The following LRBA variants were observed in gnomAD, a reference collection of about 807,000 sequenced individuals.
LRBA encodes the protein lipopolysaccharide-responsive and beige-like anchor protein.
In LRBA, 176 loss-of-function variants were observed where a neutral mutation model predicts 330.0. That is an observed-to-expected ratio of 0.53 (90% confidence interval 0.47 to 0.60). The LOEUF is 0.60. LRBA is among the 20% of genes least tolerant of loss of function. LRBA has a pLI of 0.00. For synonymous variants in LRBA, 1,230 were observed against 1,193.0 expected (o/e 1.03, Z -0.64); for missense variants, 3,259 against 3,444.8 (o/e 0.95, Z 1.35).
At chr4:150,670,288 TACCTCC>T (rs1781942424) in intron 37 of LRBA, among the ~76,000 whole-genome samples, 1 of 152,206 alleles carries the variant, frequency 6.6e-6, no homozygotes, top group Non-Finnish European at 1.5e-5. Context: ...AGCTGTCTCT[TACCTCC>T]CATTTATAAA....
intron 42 of LRBA, among the ~76,000 whole-genome samples, chr4:150,485,100 C>T (rs959463333): frequency 6.6e-6 from 1 of 151,860 alleles, no homozygotes; most frequent in Non-Finnish European, 1.5e-5. Flanking sequence ...GTATTTTGTG[C>T]AATTGACTAA....
chr4:150,923,184 C>CAA (rs372277904), intron 4 of LRBA, among the ~76,000 whole-genome samples: 303 of 137,184 alleles, frequency 2.2e-3, no homozygotes, highest in South Asian at 8.7e-3. Context: ...ATCGTAAAGT[C>CAA]AAAAAAAAAA....
intron 40 of LRBA, among the ~76,000 whole-genome samples, chr4:150,511,281 T>C (rs1284853828): frequency 6.6e-6 from 1 of 152,146 alleles, no homozygotes; most frequent in Admixed American, 6.5e-5. Flanking sequence ...AAACAAAAAC[T>C]TAGTTATGCT....
chr4:150,389,722 T>C (rs963345881), intron 47 of LRBA, among the ~76,000 whole-genome samples: 1 of 143,406 alleles, frequency 7.0e-6, no homozygotes, highest in Non-Finnish European at 1.5e-5. Flanking sequence ...CTCCAGAGAC[T>C]AACCATGAAC....
chr4:150,421,119 AATATATATAAAGTATATATAAT>A (rs1340224146), intron 46 of LRBA, among the ~76,000 whole-genome samples: 1 of 39,512 alleles, frequency 2.5e-5, no homozygotes, highest in Non-Finnish European at 5.1e-5. Flanking sequence ...TATACATTAT[AATATATATAAAGTATATATAAT>A]ATACATTATA....
intron 2 of LRBA, among the ~76,000 whole-genome samples, chr4:150,986,387 G>A (rs1469081054): frequency 6.6e-6 from 1 of 152,056 alleles, no homozygotes; most frequent in African/African-American, 2.4e-5. Flanking sequence ...GAGGGATCTG[G>A]GTTGCTTGCT....
At chr4:150,889,260 T>A (rs1729234311) in intron 17 of LRBA, among the ~76,000 whole-genome samples, 1 of 148,268 alleles carries the variant, frequency 6.7e-6, no homozygotes, top group Admixed American at 6.8e-5. Context: ...ATCCTACTGC[T>A]CAAGGTCATT....
intron 53 of LRBA, among the ~76,000 whole-genome samples, chr4:150,292,194 C>T (rs959108399): frequency 5.3e-5 from 8 of 152,178 alleles, no homozygotes; most frequent in Non-Finnish European, 8.8e-5. Context: ...AGGAATTTCT[C>T]TAGTATCTTG....
chr4:150,494,962 T>C (rs938941671), intron 40 of LRBA, among the ~76,000 whole-genome samples: 3 of 151,408 alleles, frequency 2.0e-5, no homozygotes, highest in African/African-American at 4.9e-5. Flanking sequence ...ATCATGCCAC[T>C]GCACTCCAGC....
intron 28 of LRBA, among the ~76,000 whole-genome samples, chr4:150,842,981 G>A (rs116025001): frequency 1.1e-3 from 167 of 152,204 alleles, no homozygotes; most frequent in African/African-American, 3.8e-3. Context: ...TTTTCATAAG[G>A]AGCGCACAAC....
At chr4:150,972,526 C>T (rs1739696730) in intron 2 of LRBA, among the ~76,000 whole-genome samples, 2 of 152,110 alleles carry the variant, frequency 1.3e-5, no homozygotes, top group South Asian at 2.1e-4. Flanking sequence ...ATACATTCTA[C>T]GCATGTAACA....
chr4:150,528,789 G>A (rs937271276), intron 40 of LRBA, among the ~76,000 whole-genome samples: 6 of 151,992 alleles, frequency 3.9e-5, no homozygotes. Context: ...ATAAGAAACA[G>A]ACAAAGTTTT....
intron 37 of LRBA, among the ~76,000 whole-genome samples, chr4:150,665,826 T>C (rs888334128): frequency 3.9e-5 from 6 of 152,218 alleles, no homozygotes; most frequent in Non-Finnish European, 5.9e-5. Flanking sequence ...GTAAACTGTA[T>C]TTCTACTTCA....
chr4:150,829,901 C>A (rs1356810923), intron 29 of LRBA, among the ~76,000 whole-genome samples: 2 of 152,186 alleles, frequency 1.3e-5, no homozygotes, highest in East Asian at 3.8e-4. Flanking sequence ...ATCTCTTTCA[C>A]CTTTAATCTA....
intron 16 of LRBA, among the ~76,000 whole-genome samples, chr4:150,893,834 C>G (rs1427000986): frequency 6.6e-6 from 1 of 151,958 alleles, no homozygotes; most frequent in Non-Finnish European, 1.5e-5. Context: ...CACCACCACG[C>G]CCGGCTAATT....
intron 40 of LRBA, among the ~76,000 whole-genome samples, chr4:150,516,469 T>A (rs1762375421): frequency 1.3e-5 from 2 of 151,814 alleles, no homozygotes; most frequent in South Asian, 4.2e-4. Context: ...TGTAAAATTG[T>A]AAAATTAATG....
At chr4:150,406,169 A>G (rs962481240) in intron 47 of LRBA, among the ~76,000 whole-genome samples, 2 of 152,200 alleles carry the variant, frequency 1.3e-5, no homozygotes, top group African/African-American at 4.8e-5. Context: ...TATTTAATAC[A>G]ACAAAGATGA....
intron 35 of LRBA, 77 bp downstream of exon 35, chr4:150,761,706 C>A: frequency 2.3e-6 from 2 of 870,674 alleles, no homozygotes; most frequent in Non-Finnish European, 1.8e-6. Flanking sequence ...ATACAGAACC[C>A]AAAAATATCA....
In LRBA at chr4:150,897,909, T is replaced by A. The variant is rs533075061; in HGVS notation, c.1925-91A>T. The A allele has an allele frequency of 4.9e-5, 41 of 831,594 alleles. No individual in the cohort carries two copies. The African/African-American group carries it at 6.1e-4, about 12-fold the overall frequency. 51.5% of individuals were successfully genotyped at this position (831,594 alleles called of 1,614,324 possible). A position where few individuals can be genotyped will look rare whatever the true frequency, so the allele number is the denominator to read the frequency against. ...ATTCTCATTCCCAACAGCTTTTCCA[T>A]GTGTTTGTAAGAAATATAAAGGTAG... On this transcript the variant is annotated intron_variant, in intron 14 of 56. Coordinates refer to ENST00000651943, the MANE Select transcript of LRBA (RefSeq NM_001364905.1).
Sources: gnomAD v4.1 joint callset for allele counts (sites outside exome capture counted in the v4.1 genomes callset) on GRCh38, gnomAD v4.1.1 for gene constraint, MANE v1.5 for transcripts, NCBI Gene and HGNC (gene_info 2026-07-23, HGNC 2026-07-21) for gene names.